Variants in TLL1 observed in about 807,000 individuals in gnomAD.
TLL1 encodes tolloid like 1.
Under a neutral mutation model 128.2 loss-of-function variants are expected in TLL1, and 49 were observed. The ratio of observed to expected loss-of-function variants is 0.38; its 90% CI spans 0.30 to 0.48. TLL1 has a LOEUF of 0.48. Among genes scored for constraint, TLL1 ranks in the 20% least tolerant of loss-of-function variants. The pLI, the probability that TLL1 is intolerant of heterozygous loss-of-function variation, is 0.96. For synonymous variants in TLL1, 454 were observed against 418.8 expected, an observed-to-expected ratio of 1.08 and a Z score of -1.03; for missense variants, 1,123 against 1,242.0, an observed-to-expected ratio of 0.90 and a Z score of 1.44.
chr4:166,031,472 A>G (rs1223443546), intron 9 of TLL1, among the ~76,000 whole-genome samples: 1 of 150,050 alleles, frequency 6.7e-6, no homozygotes, highest in Non-Finnish European at 1.5e-5. Flanking sequence ...AGTTCAAGCA[A>G]TTCTTGTGCC....
intron 1 of TLL1, among the ~76,000 whole-genome samples, chr4:165,955,443 T>C (rs1257028061): frequency 2.0e-5 from 3 of 151,888 alleles, no homozygotes; most frequent in Non-Finnish European, 2.9e-5. Flanking sequence ...TTCAGAAAAC[T>C]CCTGGGAGAT....
intron 1 of TLL1, among the ~76,000 whole-genome samples, chr4:165,887,639 G>A (rs1042206173): frequency 1.8e-4 from 28 of 152,160 alleles, no homozygotes; most frequent in East Asian, 9.7e-4. Flanking sequence ...TTTTTCAGGC[G>A]TATATTGGTT....
intron 7 of TLL1, among the ~76,000 whole-genome samples, chr4:166,008,485 T>C (rs935055848): frequency 7.3e-5 from 11 of 151,580 alleles, no homozygotes; most frequent in Non-Finnish European, 1.6e-4. Flanking sequence ...TTATACTGTG[T>C]ATTTTCTACT....
At chr4:166,091,096 T>A (rs34910659) in intron 18 of TLL1, 32 bp from the exon 19 acceptor site, 118 of 1,531,362 alleles carry the variant, frequency 7.7e-5, no homozygotes, top group East Asian at 1.5e-4. Context: ...TTTGTTTTTT[T>A]TTAAAAAAAT....
In TLL1 at chr4:166,003,532, T is replaced by A; in HGVS notation, c.774T>A (p.Asp258Glu). Residue 258 changes from aspartate (D) to glutamate (E), a missense_variant, in exon 6 of 21, where the codon GAT becomes GAA. Transcript: ENST00000061240. The stretch of plus-strand genomic sequence containing the variant: ...ATGAACACACAAGACCAGATCGAGA[T>A]AACCACGTAACTATCATAAGAGAAA... ...FWHEHTRPDR[D>E]NHVTIIRENI... 6.2e-7 allele frequency: 1 copy of A among 1,614,048 alleles called. No individual in the cohort carries two copies. The highest frequency in any genetic ancestry group is 8.5e-7 in the Non-Finnish European group (1 of 1,179,936).
chr4:165,940,251 T>A (rs2110921385), intron 1 of TLL1, among the ~76,000 whole-genome samples: 1 of 152,188 alleles, frequency 6.6e-6, no homozygotes, highest in African/African-American at 2.4e-5. Context: ...AATTTATGTA[T>A]TTAATTGGCA....
chr4:165,928,297 C>T lies in TLL1; in HGVS notation c.169+54224C>T, dbSNP rs114583228. 5.1e-3 allele frequency among the ~76,000 whole-genome samples: 779 copies of T among 152,226 alleles called. 9 individuals carry two copies. The highest frequency in any genetic ancestry group is 0.016 in the African/African-American group (662 of 41,532). Reference sequence around the variant, plus strand: ...GAAGACATAGTTCCTGATGTCTAAACGCCTGAATCTAGTTGGGGAGACGGC... The same window carrying T: ...GAAGACATAGTTCCTGATGTCTAAATGCCTGAATCTAGTTGGGGAGACGGC... On this transcript the variant is annotated intron_variant, in intron 1 of 20. Transcript: ENST00000061240.
chr4:165,895,741 G>T (rs1211786978), intron 1 of TLL1, among the ~76,000 whole-genome samples: 2 of 149,042 alleles, frequency 1.3e-5, no homozygotes, highest in African/African-American at 5.1e-5. Context: ...GAAGAAAAAG[G>T]TGGGAGGACT....
intron 10 of TLL1, among the ~76,000 whole-genome samples, chr4:166,039,763 C>T (rs1204174544): frequency 6.6e-6 from 1 of 151,964 alleles, no homozygotes; most frequent in African/African-American, 2.4e-5. Flanking sequence ...CTTTAAAAAT[C>T]AGTTTTTGAT....
chr4:166,081,142 TAGA>T (rs1741266744), intron 18 of TLL1, among the ~76,000 whole-genome samples: 1 of 152,198 alleles, frequency 6.6e-6, no homozygotes, highest in Non-Finnish European at 1.5e-5. Flanking sequence ...CTCCTAGTGG[TAGA>T]AGATCTCTAA....
intron 1 of TLL1, among the ~76,000 whole-genome samples, chr4:165,892,639 G>A (rs779681878): frequency 6.6e-6 from 1 of 152,022 alleles, no homozygotes; most frequent in Admixed American, 6.6e-5. Flanking sequence ...TCATTAATCT[G>A]AAAATCAGGA....
chr4:165,948,335 C>T (rs1321545434), intron 1 of TLL1, among the ~76,000 whole-genome samples: 1 of 151,982 alleles, frequency 6.6e-6, no homozygotes, highest in East Asian at 1.9e-4. Context: ...TTCAACTAAA[C>T]TAGATTTAGT....
At chr4:166,088,482 G>A (rs980837859) in intron 18 of TLL1, among the ~76,000 whole-genome samples, 1 of 152,002 alleles carries the variant, frequency 6.6e-6, no homozygotes, top group Non-Finnish European at 1.5e-5. Flanking sequence ...TACTATACAA[G>A]GGACAGACTT....
rs5863789 is a variant in TLL1 at position 165,932,644 on chromosome 4, C to CT, written c.170-56726dup. 1.2e-3 allele frequency among the ~76,000 whole-genome samples: 168 copies of CT among 144,918 alleles called. 1 individual carries two copies. Among genetic ancestry groups the CT allele is most frequent in the South Asian group, 6.0e-3 (27 of 4,514 alleles). ...TGATATTTAAGCTTCAGATTTTCTT[C>CT]TTTTTTTTTTTAGAGTTTGTTTGTA... is the stretch of plus-strand genomic sequence containing the variant. On this transcript the variant is annotated intron_variant, in intron 1 of 20. Transcript: ENST00000061240.
chr4:166,002,508 G>T (rs557523062), intron 5 of TLL1, among the ~76,000 whole-genome samples: 1 of 152,134 alleles, frequency 6.6e-6, no homozygotes, highest in Non-Finnish European at 1.5e-5. Context: ...GCAGTGGTAC[G>T]ATCCTAGCTC....
intron 1 of TLL1, among the ~76,000 whole-genome samples, chr4:165,899,353 G>A (rs902683544): frequency 1.3e-5 from 2 of 152,066 alleles, no homozygotes; most frequent in African/African-American, 2.4e-5. Flanking sequence ...TCTCCTATGG[G>A]CATTTAGTGC....
chr4:165,963,082 T>TAAAAAAAC (rs1735197097), intron 1 of TLL1, among the ~76,000 whole-genome samples: 1 of 116,910 alleles, frequency 8.6e-6, no homozygotes, highest in African/African-American at 3.2e-5. Flanking sequence ...AAAAAAAAAG[T>TAAAAAAAC]GGTAGCTAAA....
chr4:166,076,103 G>A (rs1448267230), intron 17 of TLL1, among the ~76,000 whole-genome samples: 5 of 151,964 alleles, frequency 3.3e-5, no homozygotes. Flanking sequence ...AACAGGGTCT[G>A]CCTCTGTCAC....
chr4:166,015,860 T>C (rs946737643), intron 8 of TLL1, among the ~76,000 whole-genome samples: 4 of 151,830 alleles, frequency 2.6e-5, no homozygotes, highest in African/African-American at 9.7e-5. Flanking sequence ...AAATTATGTT[T>C]TTTTTTTTCA....
Sources: gnomAD v4.1 joint callset for allele counts (sites outside exome capture counted in the v4.1 genomes callset) on GRCh38, gnomAD v4.1.1 for gene constraint, MANE v1.5 for transcripts, NCBI Gene and HGNC (gene_info 2026-07-23, HGNC 2026-07-21) for gene names.